The following P2RX1 variants were observed in gnomAD, a reference collection of about 807,000 sequenced individuals.
P2RX1 encodes purinergic receptor P2X 1.
A neutral mutation model predicts 50.3 loss-of-function variants in P2RX1; 42 were observed. That is an observed-to-expected ratio of 0.83 (90% confidence interval 0.65 to 1.08). The LOEUF (loss-of-function observed/expected upper bound fraction) is 1.08. Ranked by LOEUF, P2RX1 falls within the 50% of genes least tolerant of loss-of-function variation. P2RX1 has a pLI of 0.00. For synonymous variants in P2RX1, 199 were observed against 202.6 expected, an observed-to-expected ratio of 0.98 and a Z score of 0.15; for missense variants, 449 against 529.0, an observed-to-expected ratio of 0.85 and a Z score of 1.48.
Position 3,903,696 on chromosome 17 carries a change from C to T in P2RX1, c.525-65G>A, listed in dbSNP as rs1313756197. On this transcript the variant is annotated intron_variant, in intron 5 of 11. Transcript: ENST00000225538. The surrounding 1 kb of genome is among the most constrained non-coding windows in gnomAD (Gnocchi z 4.6). ...GGCCCCCTGTGTGTCCCACACAGAG[C>T]TTGGCACAGCAGGGGGTGGGCCGAG... 2 of 1,532,890 alleles carry T rather than the reference C, an allele frequency of 1.3e-6. No individual in the cohort carries two copies. The highest frequency in any genetic ancestry group is 2.7e-5 in the African/African-American group (2 of 73,494). 95.0% of individuals were successfully genotyped at this position (1,532,890 alleles called of 1,614,324 possible). A position where few individuals can be genotyped will look rare whatever the true frequency, so the allele number is the denominator to read the frequency against.
chr17:3,900,212 G>A (rs895489102), intron 7 of P2RX1, among the ~76,000 whole-genome samples: 1 of 152,168 alleles, frequency 6.6e-6, no homozygotes, highest in African/African-American at 2.4e-5. Flanking sequence ...CAGCATTTTG[G>A]GAGGCTGAGG....
At chr17:3,912,108 A>G (rs1217259971) in intron 1 of P2RX1, among the ~76,000 whole-genome samples, 1 of 152,210 alleles carries the variant, frequency 6.6e-6, no homozygotes, top group African/African-American at 2.4e-5. Flanking sequence ...CACAGAGGAA[A>G]GAAGAGCCAG....
chr17:3,903,739 C>T lies in P2RX1; in HGVS notation c.525-108G>A. On this transcript the variant is annotated intron_variant, in intron 5 of 11. Coordinates refer to ENST00000225538, the MANE Select transcript of P2RX1 (RefSeq NM_002558.4). The surrounding 1 kb of genome is among the most constrained non-coding windows in gnomAD (Gnocchi z 4.6). ...GGGCCGAGCCTCCGGGACCCGCCTG[C>T]AGCCCTGGGCTGGTGGAGGGGTGGG... The T allele has an allele frequency of 7.9e-7, 1 of 1,272,506 alleles. No individual in the cohort carries two copies. Among genetic ancestry groups the T allele is most frequent in the Non-Finnish European group, 1.1e-6 (1 of 878,530 alleles). The allele number at this position is 1,272,506 out of a possible 1,614,324, so 78.8% of individuals were successfully genotyped here. A position where few individuals can be genotyped will look rare whatever the true frequency, so the allele number is the denominator to read the frequency against.
Position 3,897,777 on chromosome 17 carries a change from C to T in P2RX1, c.*37G>A. 1 of 1,599,210 alleles carries T rather than the reference C, an allele frequency of 6.3e-7. No homozygotes were observed. The highest frequency in any genetic ancestry group is 8.5e-7 in the Non-Finnish European group (1 of 1,169,720). On this transcript the variant is annotated 3_prime_UTR_variant, in exon 12 of 12. Coordinates refer to ENST00000225538, the MANE Select transcript of P2RX1 (RefSeq NM_002558.4). The stretch of plus-strand genomic sequence containing the variant: ...ACCCACCAGGGCTCCAGGCTGAAGC[C>T]TCACGCTGCACCCAGTCAGGAGTTG...
At chr17:3,904,176 G>C (rs2056212011) in intron 4 of P2RX1, 152 bp from the exon 5 acceptor site, 1 of 1,016,518 alleles carries the variant, frequency 9.8e-7, no homozygotes, top group Admixed American at 1.9e-5. Flanking sequence ...CCAAGCCAGG[G>C]CGGAGGAGGG....
intron 1 of P2RX1, among the ~76,000 whole-genome samples, chr17:3,913,754 G>A (rs2056402990): frequency 6.6e-6 from 1 of 152,192 alleles, no homozygotes; most frequent in African/African-American, 2.4e-5. Flanking sequence ...CGGGGGCCTG[G>A]CTCTTCTCTC....
Position 3,903,475 on chromosome 17 carries a change from G to A in P2RX1, c.605+76C>T. On this transcript the variant is annotated intron_variant, in intron 6 of 11. Coordinates refer to ENST00000225538, the MANE Select transcript of P2RX1 (RefSeq NM_002558.4). The surrounding 1 kb of genome is among the most constrained non-coding windows in gnomAD (Gnocchi z 4.6). ...TCCTTCCACGCCAGCAGGAATGGAG[G>A]GAGACAGAGACAGCTGAGAGCTGCC... 1 of 1,592,690 alleles carries A rather than the reference G, an allele frequency of 6.3e-7. No individual in the cohort carries two copies. Among genetic ancestry groups the A allele is most frequent in the South Asian group, 1.1e-5 (1 of 90,418 alleles).
chr17:3,902,616 T>G (rs1419366470), intron 7 of P2RX1, among the ~76,000 whole-genome samples: 1 of 150,834 alleles, frequency 6.6e-6, no homozygotes, highest in East Asian at 2.0e-4. Flanking sequence ...TTTGTTTTTT[T>G]TTTGTTTTTG....
chr17:3,905,156 C>G, intron 2 of P2RX1, 64 bp downstream of exon 2: 1 of 1,590,404 alleles, frequency 6.3e-7, no homozygotes, highest in Non-Finnish European at 8.6e-7. Context: ...GGACGTGGGA[C>G]AGAGTCCCAC....
At chr17:3,915,106 C>T (rs1243003891) in intron 1 of P2RX1, among the ~76,000 whole-genome samples, 4 of 152,120 alleles carry the variant, frequency 2.6e-5, no homozygotes, top group African/African-American at 7.2e-5. Context: ...CAGAATCACA[C>T]GGCAAAGGCA....
chr17:3,908,416 C>T (rs572188374), intron 1 of P2RX1, among the ~76,000 whole-genome samples: 174 of 152,218 alleles, frequency 1.1e-3, no homozygotes, highest in South Asian at 3.1e-3. Flanking sequence ...CAAAAACTAG[C>T]CGGGCATGGT....
intron 10 of P2RX1, 118 bp from the exon 11 acceptor site, chr17:3,898,228 G>T: frequency 1.1e-6 from 1 of 936,638 alleles, no homozygotes; most frequent in Non-Finnish European, 1.7e-6. Context: ...CTCACTGGAG[G>T]CCAGTTTCCT....
intron 1 of P2RX1, among the ~76,000 whole-genome samples, chr17:3,909,110 A>C (rs1422353729): frequency 6.6e-6 from 1 of 151,838 alleles, no homozygotes; most frequent in African/African-American, 2.4e-5. Flanking sequence ...GGCTCACTGC[A>C]ACCTCCACCT....
intron 9 of P2RX1, 51 bp downstream of exon 9, chr17:3,898,883 A>G (rs1233661719): frequency 1.4e-6 from 2 of 1,409,778 alleles, no homozygotes; most frequent in East Asian, 2.3e-5. Context: ...AGGTACTCAC[A>G]GGAGCTGAGA....
At chr17:3,904,482 A>G in intron 3 of P2RX1, 83 bp from the exon 4 acceptor site, 1 of 1,235,552 alleles carries the variant, frequency 8.1e-7, no homozygotes, top group Non-Finnish European at 1.2e-6. Flanking sequence ...CCAGGGCCCT[A>G]GGGAGAGCGT....
chr17:3,908,115 C>T (rs368620441), intron 1 of P2RX1, among the ~76,000 whole-genome samples: 174 of 152,296 alleles, frequency 1.1e-3, no homozygotes, highest in Non-Finnish European at 1.8e-3. Context: ...ACACTGGCTT[C>T]GACGTGTCTC....
chr17:3,916,100 G>C lies in P2RX1; in HGVS notation c.126C>G (p.Val42=), dbSNP rs139938099. The change falls in exon 1 of 12, where the codon GTC becomes GTG. Residue 42 remains valine, a synonymous_variant. Transcript: ENST00000225538. ...GCGCCCGGACTCACCCGATGACGTAGACCAGGACCACCAGCTGGATCAGTC... is the reference window on the plus strand; with the variant it reads ...GCGCCCGGACTCACCCGATGACGTACACCAGGACCACCAGCTGGATCAGTC... ...IFRLIQLVVL[V]YVIGWVFLYE... 6 of 1,613,554 alleles carry C rather than the reference G, an allele frequency of 3.7e-6. No individual in the cohort carries two copies. In the South Asian group the frequency reaches 6.6e-5, roughly 18 times the overall value.
At chr17:3,905,074 A>C (rs1313606726) in intron 2 of P2RX1, 145 bp from the exon 3 acceptor site, 110 of 1,206,868 alleles carry the variant, frequency 9.1e-5, no homozygotes, top group Non-Finnish European at 1.1e-4. Flanking sequence ...ACATGGGGTG[A>C]TATCACCAGG....
intron 4 of P2RX1, 76 bp from the exon 5 acceptor site, chr17:3,904,100 C>A: frequency 1.6e-6 from 2 of 1,248,312 alleles, no homozygotes; most frequent in African/African-American, 1.5e-5. Context: ...CCAGGAGCTC[C>A]CAGTGACGGG....
Sources: gnomAD v4.1 joint callset for allele counts (sites outside exome capture counted in the v4.1 genomes callset) on GRCh38, gnomAD v4.1.1 for gene constraint, Gnocchi (gnomAD v3.1) non-coding constraint, MANE v1.5 for transcripts, NCBI Gene and HGNC (gene_info 2026-07-23, HGNC 2026-07-21) for gene names.